The following SCAF8 variants were observed in gnomAD, a reference collection of about 807,000 sequenced individuals.
SCAF8 encodes the protein SR-related and CTD-associated factor 8.
SCAF8 carries 23 observed loss-of-function variants against 140.5 expected under a neutral mutation model. The ratio of observed to expected loss-of-function variants is 0.16; its 90% CI spans 0.12 to 0.23. The LOEUF (loss-of-function observed/expected upper bound fraction) is 0.23, where lower values mean the gene tolerates loss of function less well. Ranked by LOEUF, SCAF8 falls within the 10% of genes least tolerant of loss-of-function variation. The pLI is 1.00. For missense variants in SCAF8, 1,397 were observed against 1,555.7 expected, an observed-to-expected ratio of 0.90 and a Z score of 1.72; for synonymous variants, 575 against 528.9, an observed-to-expected ratio of 1.09 and a Z score of -1.20.
intron 3 of SCAF8, among the ~76,000 whole-genome samples, chr6:154,783,792 G>A (rs188232463): frequency 6.6e-6 from 1 of 152,202 alleles, no homozygotes; most frequent in Non-Finnish European, 1.5e-5. Context: ...TGTTAGCTAG[G>A]TGCAGTGGCT....
At chr6:154,795,354 C>T (rs1238481419) in intron 6 of SCAF8, among the ~76,000 whole-genome samples, 1 of 152,024 alleles carries the variant, frequency 6.6e-6, no homozygotes, top group Non-Finnish European at 1.5e-5. Context: ...TTATTCTGTA[C>T]CAAAATACGG....
intron 1 of SCAF8, among the ~76,000 whole-genome samples, chr6:154,745,110 A>G (rs928349750): frequency 1.3e-5 from 2 of 152,210 alleles, no homozygotes; most frequent in Non-Finnish European, 2.9e-5. Flanking sequence ...ATCACACCTT[A>G]CATTCACTTG....
At chr6:154,820,150 CT>C (rs1778375209) in intron 14 of SCAF8, 26 bp from the exon 15 acceptor site, 1 of 1,541,898 alleles carries the variant, frequency 6.5e-7, no homozygotes, top group Non-Finnish European at 8.7e-7. Context: ...TATAACCTTT[CT>C]TTTTTCCTCT....
Position 154,831,048 on chromosome 6 carries a change from T to C in SCAF8, c.2267T>C (p.Val756Ala), listed in dbSNP as rs184576967. The change falls in exon 19 of 20, where the codon GTT becomes GCT. Residue 756 changes from valine (V) to alanine (A), a missense_variant. By Grantham distance (64) the Val-to-Ala change is moderately conservative. Transcript: ENST00000367178. ...LATSALPAGN[V>A]FNAPTKQAEP... Reference sequence around the variant, plus strand: ...ACTTCCGCTCTGCCAGCTGGAAATGTTTTTAATGCTCCAACTAAACAGGCA... The same window carrying C: ...ACTTCCGCTCTGCCAGCTGGAAATGCTTTTAATGCTCCAACTAAACAGGCA... The C allele has an allele frequency of 1.2e-6, 2 of 1,614,048 alleles. No homozygotes were observed. The highest frequency in any genetic ancestry group is 3.3e-5 in the Admixed American group (2 of 60,012).
At chr6:154,780,291 T>C (rs919224905) in intron 3 of SCAF8, among the ~76,000 whole-genome samples, 4 of 152,182 alleles carry the variant, frequency 2.6e-5, no homozygotes, top group South Asian at 2.1e-4. Context: ...GATTGACTTA[T>C]TTTGCCCAGC....
In SCAF8 at chr6:154,778,348, C is replaced by T. The variant is rs141944759; in HGVS notation, c.159+303C>T. ...TTATGTTCCACTTGGGAGAAGGGTG[C>T]GGGATTTGAAGTGAGATTTCAGTCA... On this transcript the variant is annotated intron_variant, in intron 3 of 19. Transcript: ENST00000367178. Among the ~76,000 whole-genome samples the T allele has an allele frequency of 4.8e-3, 727 of 152,192 alleles. 6 individuals carry two copies. Among genetic ancestry groups the T allele is most frequent in the African/African-American group, 0.017 (694 of 41,524 alleles).
chr6:154,822,113 G>T (rs572238919), intron 15 of SCAF8, 163 bp from the exon 16 acceptor site: 3 of 600,838 alleles, frequency 5.0e-6, no homozygotes, highest in East Asian at 5.6e-5. Flanking sequence ...ATCCTAATCA[G>T]ATTAATCTGG....
chr6:154,831,703 TAAAAAAAAAAAAAAA>T lies in SCAF8; in HGVS notation c.2360-211_2360-197del, dbSNP rs58013583. Among the ~76,000 whole-genome samples, 35 of 48,094 alleles carry T rather than the reference TAAAAAAAAAAAAAAA, an allele frequency of 7.3e-4. 2 individuals carry two copies. The highest frequency in any genetic ancestry group is 1.8e-3 in the African/African-American group (26 of 14,220). 31.6% of individuals were successfully genotyped at this position (48,094 alleles called of 152,430 possible). On this transcript the variant is annotated intron_variant, in intron 19 of 19. Transcript: ENST00000367178. ...CCTTTTAAACCTCCACTCCTGTTCT[TAAAAAAAAAAAAAAA>T]AAAAAAAAAAAAAAAAAAAAAAAAG...
chr6:154,806,578 G>T (rs1777920606), intron 9 of SCAF8, among the ~76,000 whole-genome samples: 1 of 152,090 alleles, frequency 6.6e-6, no homozygotes, highest in African/African-American at 2.4e-5. Flanking sequence ...TGTCATAGAG[G>T]TACAGCTGAA....
intron 10 of SCAF8, among the ~76,000 whole-genome samples, 177 bp from the exon 11 acceptor site, chr6:154,808,509 T>A (rs547462675): frequency 6.6e-6 from 1 of 152,092 alleles, no homozygotes; most frequent in Non-Finnish European, 1.5e-5. Context: ...TAGTATATTT[T>A]ACGTGTGGCC....
intron 6 of SCAF8, among the ~76,000 whole-genome samples, chr6:154,798,546 TC>T (rs1193028988): frequency 1.3e-5 from 2 of 151,388 alleles, no homozygotes; most frequent in Non-Finnish European, 3.0e-5. Flanking sequence ...TGTTAAGAAA[TC>T]CTCTGCCTTC....
intron 17 of SCAF8, among the ~76,000 whole-genome samples, chr6:154,826,388 A>C (rs1035368820): frequency 6.6e-6 from 1 of 152,160 alleles, no homozygotes; most frequent in African/African-American, 2.4e-5. Context: ...TATTTTATTA[A>C]AAATAAAATT....
At chr6:154,820,853 A>T (rs1778402524) in intron 15 of SCAF8, among the ~76,000 whole-genome samples, 1 of 152,198 alleles carries the variant, frequency 6.6e-6, no homozygotes. Flanking sequence ...ATTTTAAAAG[A>T]TTTCAATTAA....
intron 19 of SCAF8, among the ~76,000 whole-genome samples, chr6:154,831,703 TAAAAAAAA>T (rs58013583): frequency 0.01 from 491 of 47,992 alleles, 12 homozygotes; most frequent in Non-Finnish European, 0.013. Flanking sequence ...CTCCTGTTCT[TAAAAAAAA>T]AAAAAAAAAA....
chr6:154,805,333 G>C, intron 8 of SCAF8, 36 bp from the exon 9 acceptor site: 1 of 1,263,278 alleles, frequency 7.9e-7, no homozygotes, highest in Non-Finnish European at 1.2e-6. Flanking sequence ...TCTTTAGTGG[G>C]TTTTAAAATA....
intron 16 of SCAF8, among the ~76,000 whole-genome samples, chr6:154,823,208 GA>G (rs1161825093): frequency 1.3e-5 from 2 of 152,182 alleles, no homozygotes; most frequent in Admixed American, 6.5e-5. Context: ...GAATGAGATG[GA>G]TGGTGGGTCT....
chr6:154,808,337 G>A, intron 10 of SCAF8, 136 bp downstream of exon 10: 1 of 930,258 alleles, frequency 1.1e-6, no homozygotes, highest in South Asian at 1.7e-5. Flanking sequence ...CACCTATTAG[G>A]CCAAGCTTGT....
intron 1 of SCAF8, among the ~76,000 whole-genome samples, chr6:154,741,093 C>T (rs150546469): frequency 1.7e-3 from 252 of 152,134 alleles, no homozygotes; most frequent in African/African-American, 5.6e-3. Context: ...TTTATGTTGT[C>T]TAGTAATTAT....
chr6:154,776,661 T>C (rs1198971505), intron 2 of SCAF8, among the ~76,000 whole-genome samples: 1 of 152,264 alleles, frequency 6.6e-6, no homozygotes, highest in Non-Finnish European at 1.5e-5. Context: ...TTAGTTGTTT[T>C]GGCTTTTTTA....
Sources: allele counts gnomAD v4.1 joint callset (sites outside exome capture counted in the v4.1 genomes callset), GRCh38; gene constraint gnomAD v4.1.1; transcripts MANE v1.5; gene names NCBI Gene and HGNC (gene_info 2026-07-23, HGNC 2026-07-21).